Variants in GRID2 observed in about 807,000 individuals in gnomAD.
The protein encoded by GRID2 is glutamate receptor ionotropic, delta-2.
In GRID2, 33 loss-of-function variants were observed where a neutral mutation model predicts 114.8. The observed-to-expected ratio is 0.29, with a 90% CI of 0.22 to 0.38. The LOEUF (loss-of-function observed/expected upper bound fraction) is 0.38, where lower values mean the gene tolerates loss of function less well. Ranked by LOEUF, GRID2 falls within the 10% of genes least tolerant of loss-of-function variation. The pLI is 1.00. For synonymous variants in GRID2, 505 were observed against 449.9 expected (o/e 1.12, Z -1.55); for missense variants, 1,184 against 1,257.7 (o/e 0.94, Z 0.89).
intron 1 of GRID2, among the ~76,000 whole-genome samples, chr4:92,500,092 A>G (rs900599224): frequency 6.6e-6 from 1 of 152,090 alleles, no homozygotes; most frequent in African/African-American, 2.4e-5. Flanking sequence ...GGTCTAATTC[A>G]TCGGTCTTGA....
intron 2 of GRID2, among the ~76,000 whole-genome samples, chr4:92,803,518 T>C (rs1740271400): frequency 1.3e-5 from 2 of 152,000 alleles, no homozygotes; most frequent in South Asian, 4.1e-4. Context: ...AGCCCATATG[T>C]CATTATAAAA....
intron 12 of GRID2, among the ~76,000 whole-genome samples, chr4:93,511,483 T>A (rs752527964): frequency 1.8e-4 from 27 of 152,194 alleles, no homozygotes; most frequent in Non-Finnish European, 3.7e-4. Context: ...AAAAAAATAA[T>A]CTCAGTCAGG....
At chr4:93,754,440 ACAGTATGTC>A (rs1301118775) in intron 14 of GRID2, among the ~76,000 whole-genome samples, 2 of 152,198 alleles carry the variant, frequency 1.3e-5, no homozygotes, top group Non-Finnish European at 2.9e-5. Flanking sequence ...TCTTTCTATG[ACAGTATGTC>A]CATTTGTTAT....
chr4:92,716,484 C>T (rs1306626664), intron 2 of GRID2, among the ~76,000 whole-genome samples: 2 of 152,126 alleles, frequency 1.3e-5, no homozygotes, highest in Non-Finnish European at 2.9e-5. Context: ...TTGGATAGTA[C>T]GTTGTAAAGG....
intron 13 of GRID2, among the ~76,000 whole-genome samples, chr4:93,560,827 A>G (rs1282187837): frequency 6.6e-6 from 1 of 152,152 alleles, no homozygotes; most frequent in Non-Finnish European, 1.5e-5. Context: ...TCTATGCAAT[A>G]AAATTGTTTT....
intron 10 of GRID2, among the ~76,000 whole-genome samples, chr4:93,432,187 A>T (rs1194147607): frequency 6.6e-6 from 1 of 152,184 alleles, no homozygotes; most frequent in African/African-American, 2.4e-5. Context: ...GTGGAGGTTT[A>T]TATGAAACTG....
At chr4:93,568,801 C>G (rs1285173127) in intron 13 of GRID2, among the ~76,000 whole-genome samples, 3 of 152,112 alleles carry the variant, frequency 2.0e-5, no homozygotes, top group African/African-American at 7.2e-5. Flanking sequence ...GATTCAATAA[C>G]TGTACTTTAA....
rs996247157 is a variant in GRID2 at position 92,947,674 on chromosome 4, A to G, written c.245-137321A>G. Among the ~76,000 whole-genome samples the G allele has an allele frequency of 3.9e-5, 6 of 151,904 alleles. No homozygotes were observed. The East Asian group carries it at 9.6e-4, about 24-fold the overall frequency. On this transcript the variant is annotated intron_variant, in intron 2 of 15. Coordinates refer to ENST00000282020, the MANE Select transcript of GRID2 (RefSeq NM_001510.4). ...TTTCTTGACCATATATAGCCTTCAA[A>G]TAGTCTTCAGAGGTGTATATGGGTT...
Position 92,370,696 on chromosome 4 carries a change from AAG to A in GRID2, c.88+65957_88+65958del, listed in dbSNP as rs531999917. On this transcript the variant is annotated intron_variant, in intron 1 of 15. Coordinates refer to ENST00000282020, the MANE Select transcript of GRID2 (RefSeq NM_001510.4). ...TCTTTCATTTTCAATCAAAAGCTAAAAGAGAGTAAGCTTAGTGAGGAAGGCAT... is the reference window on the plus strand; with the variant it reads ...TCTTTCATTTTCAATCAAAAGCTAAAAGAGTAAGCTTAGTGAGGAAGGCAT... Among the ~76,000 whole-genome samples, 459 of 152,294 alleles carry A rather than the reference AAG, an allele frequency of 3.0e-3. 1 individual carries two copies. Among genetic ancestry groups the A allele is most frequent in the Middle Eastern group, 0.017 (5 of 294 alleles).
At chr4:93,197,868 G>A (rs1741660327) in intron 4 of GRID2, among the ~76,000 whole-genome samples, 1 of 152,120 alleles carries the variant, frequency 6.6e-6, no homozygotes, top group South Asian at 2.1e-4. Flanking sequence ...TGGCTTTGCA[G>A]ATTTTGAATT....
At chr4:92,471,975 C>A (rs1722064195) in intron 1 of GRID2, among the ~76,000 whole-genome samples, 2 of 57,000 alleles carry the variant, frequency 3.5e-5, no homozygotes, top group African/African-American at 1.0e-4. Flanking sequence ...GCTCTGTCGC[C>A]CAGGCTGGAG....
At chr4:93,532,066 C>A (rs901161619) in intron 13 of GRID2, among the ~76,000 whole-genome samples, 1 of 152,074 alleles carries the variant, frequency 6.6e-6, no homozygotes, top group Non-Finnish European at 1.5e-5. Flanking sequence ...GGTTATGAGG[C>A]CTAGTCATTG....
Position 92,579,105 on chromosome 4 carries a change from C to T in GRID2, c.89-11026C>T, listed in dbSNP as rs144418088. Among the ~76,000 whole-genome samples the T allele has an allele frequency of 8.7e-4, 132 of 152,176 alleles. 1 individual carries two copies. Among genetic ancestry groups the T allele is most frequent in the African/African-American group, 2.9e-3 (122 of 41,568 alleles). On this transcript the variant is annotated intron_variant, in intron 1 of 15. Coordinates refer to ENST00000282020, the MANE Select transcript of GRID2 (RefSeq NM_001510.4). The stretch of plus-strand genomic sequence containing the variant: ...CTCCTTATGTTTCCCTTATGTACTT[C>T]AACTATGGTCTTCATACACCAGGAG...
chr4:92,505,944 T>C (rs183207615), intron 1 of GRID2, among the ~76,000 whole-genome samples: 109 of 152,112 alleles, frequency 7.2e-4, no homozygotes, highest in Middle Eastern at 3.4e-3. Context: ...GCATTTATTA[T>C]ATTGAGCAAT....
downstream of GRID2, among the ~76,000 whole-genome samples, chr4:93,775,227 T>C (rs1002351230): frequency 3.3e-5 from 5 of 152,126 alleles, no homozygotes; most frequent in African/African-American, 1.2e-4. Flanking sequence ...AGAGGAAATT[T>C]AGAGATCTAG....
At chr4:93,374,214 T>C (rs1179156742) in intron 8 of GRID2, among the ~76,000 whole-genome samples, 1 of 152,190 alleles carries the variant, frequency 6.6e-6, no homozygotes, top group Non-Finnish European at 1.5e-5. Context: ...GGCAATAATA[T>C]GTCATATTAG....
At position 92,715,470 on chromosome 4, in the gene GRID2, C is replaced by T. The variant is rs150095225; in HGVS notation, c.244+125184C>T. On this transcript the variant is annotated intron_variant, in intron 2 of 15. Coordinates refer to ENST00000282020, the MANE Select transcript of GRID2 (RefSeq NM_001510.4). ...AGGTGTCTTTTCAGCAGCACCCCAC[C>T]CCTGCTATCAATTTACTGTATTATT... Among the ~76,000 whole-genome samples, 1,034 of 152,190 alleles carry T rather than the reference C, an allele frequency of 6.8e-3. 13 individuals carry two copies. The highest frequency in any genetic ancestry group is 0.022 in the African/African-American group (927 of 41,524).
intron 2 of GRID2, among the ~76,000 whole-genome samples, chr4:92,845,637 A>G (rs1189587018): frequency 3.3e-5 from 5 of 151,982 alleles, no homozygotes; most frequent in East Asian, 1.9e-4. Flanking sequence ...TACGAGTCCA[A>G]TGGATATCAG....
chr4:92,852,401 C>T (rs1743882709), intron 2 of GRID2, among the ~76,000 whole-genome samples: 1 of 151,890 alleles, frequency 6.6e-6, no homozygotes, highest in Non-Finnish European at 1.5e-5. Flanking sequence ...CTACTAGCTC[C>T]TTTCCCTCAG....
Sources: gnomAD v4.1 joint callset for allele counts (sites outside exome capture counted in the v4.1 genomes callset) on GRCh38, gnomAD v4.1.1 for gene constraint, MANE v1.5 for transcripts, NCBI Gene and HGNC (gene_info 2026-07-23, HGNC 2026-07-21) for gene names.